PRKCQ: variants seen among roughly 807,000 people sequenced by gnomAD.
The protein encoded by PRKCQ is protein kinase C theta type.
Under a neutral mutation model 91.2 loss-of-function variants are expected in PRKCQ, and 41 were observed. That is an observed-to-expected ratio of 0.45 (90% CI 0.35 to 0.58). The LOEUF (loss-of-function observed/expected upper bound fraction) is 0.58, where lower values mean the gene tolerates loss of function less well. Ranked by LOEUF, PRKCQ falls within the 20% of genes least tolerant of loss-of-function variation. The pLI, the probability that PRKCQ is intolerant of heterozygous loss-of-function variation, is 0.00. For missense variants in PRKCQ, 673 were observed against 896.5 expected (o/e 0.75, Z 3.18); for synonymous variants, 307 against 316.9 (o/e 0.97, Z 0.33).
intron 1 of PRKCQ, among the ~76,000 whole-genome samples, chr10:6,574,757 C>T (rs1841165260): frequency 6.6e-6 from 1 of 152,202 alleles, no homozygotes; most frequent in Non-Finnish European, 1.5e-5. Flanking sequence ...CTGCTCATTT[C>T]CACTCATCTG....
At chr10:6,394,965 G>A in the PRKCQ span, among the ~76,000 whole-genome samples, 5 of 151,586 alleles carry the variant, frequency 3.3e-5, no homozygotes, top group Admixed American at 2.6e-4. Flanking sequence ...CACCTTGCCC[G>A]CCGCCTAGAG....
In PRKCQ at chr10:6,485,214, C is replaced by A. The variant is rs765321541; in HGVS notation, c.956G>T (p.Gly319Val). The A allele has an allele frequency of 6.2e-7, 1 of 1,614,010 alleles. No individual in the cohort carries two copies. The highest frequency in any genetic ancestry group is 8.5e-7 in the Non-Finnish European group (1 of 1,179,994). ...TTCATTTTTGATGGAGCATGGGAGA[C>A]CAATTTCAACCGGACCTTCTCTGAA... Reference protein sequence around the residue: ...QIFREGPVEIGLPCSIKNEAR... With the variant: ...QIFREGPVEIVLPCSIKNEAR... The change falls in exon 10 of 18, where the codon GGT becomes GTT. Residue 319 changes from glycine to valine, a missense_variant. Coordinates refer to ENST00000263125, the MANE Select transcript of PRKCQ (RefSeq NM_006257.5).
chr10:6,480,796 T>C (rs939529436), intron 11 of PRKCQ, among the ~76,000 whole-genome samples: 2 of 152,222 alleles, frequency 1.3e-5, no homozygotes, highest in Admixed American at 6.5e-5. Flanking sequence ...AACATGTAAG[T>C]GTCTAGGTTT....
At chr10:6,467,518 T>C (rs1190558100) in intron 12 of PRKCQ, among the ~76,000 whole-genome samples, 1 of 152,088 alleles carries the variant, frequency 6.6e-6, no homozygotes, top group Non-Finnish European at 1.5e-5. Flanking sequence ...CACGTCTTTA[T>C]GGCGGGTAAT....
chr10:6,563,999 G>A (rs558671079), intron 1 of PRKCQ, among the ~76,000 whole-genome samples: 11 of 152,302 alleles, frequency 7.2e-5, no homozygotes, highest in South Asian at 2.1e-4. Context: ...CGATGTGAGC[G>A]TGAGGAAGTG....
At chr10:6,432,652 C>T (rs1440495333) in intron 16 of PRKCQ, among the ~76,000 whole-genome samples, 1 of 152,130 alleles carries the variant, frequency 6.6e-6, no homozygotes, top group Non-Finnish European at 1.5e-5. Flanking sequence ...TCAGTTTCCT[C>T]GTGTGTAAAG....
intron 16 of PRKCQ, among the ~76,000 whole-genome samples, chr10:6,431,567 C>T (rs758433874): frequency 1.8e-4 from 27 of 152,298 alleles, no homozygotes; most frequent in South Asian, 6.2e-4. Context: ...TGCACACACA[C>T]GCACGCATTT....
chr10:6,531,630 A>C (rs1839398805), intron 1 of PRKCQ, among the ~76,000 whole-genome samples: 1 of 152,076 alleles, frequency 6.6e-6, no homozygotes, highest in Non-Finnish European at 1.5e-5. Flanking sequence ...GAATGGAAGA[A>C]GGTAGATTGA....
the PRKCQ span, among the ~76,000 whole-genome samples, chr10:6,401,781 C>T: frequency 6.6e-6 from 1 of 152,144 alleles, no homozygotes; most frequent in East Asian, 1.9e-4. Flanking sequence ...CTGCAATAAG[C>T]AGCTTTTTTC....
At chr10:6,551,243 G>A (rs758145757) in intron 1 of PRKCQ, among the ~76,000 whole-genome samples, 22 of 152,094 alleles carry the variant, frequency 1.4e-4, no homozygotes, top group Non-Finnish European at 2.6e-4. Context: ...TTATAAGTGA[G>A]AACATGCCAC....
At chr10:6,444,368 A>G (rs1834130280) in intron 15 of PRKCQ, among the ~76,000 whole-genome samples, 1 of 152,096 alleles carries the variant, frequency 6.6e-6, no homozygotes, top group Non-Finnish European at 1.5e-5. Context: ...TATTTTTAAC[A>G]TTACTGAACT....
chr10:6,455,248 A>G (rs1009441182), intron 15 of PRKCQ, among the ~76,000 whole-genome samples: 4 of 152,220 alleles, frequency 2.6e-5, no homozygotes, highest in Middle Eastern at 6.3e-3. Context: ...TTTCACTTCA[A>G]ATGAAAATGG....
chr10:6,564,316 A>AT (rs1305289797), intron 1 of PRKCQ, among the ~76,000 whole-genome samples: 6 of 152,140 alleles, frequency 3.9e-5, no homozygotes, highest in African/African-American at 1.4e-4. Context: ...TGTAGGAAAT[A>AT]TTATGGTATA....
intron 13 of PRKCQ, among the ~76,000 whole-genome samples, chr10:6,464,058 G>C (rs775153782): frequency 6.6e-6 from 1 of 152,206 alleles, no homozygotes; most frequent in Admixed American, 6.5e-5. Flanking sequence ...CTGTGCTCAG[G>C]TTAGTTAGAA....
chr10:6,459,759 G>A (rs1211194225), intron 14 of PRKCQ, among the ~76,000 whole-genome samples: 4 of 152,196 alleles, frequency 2.6e-5, no homozygotes, highest in Non-Finnish European at 5.9e-5. Context: ...CCAGAGGCTG[G>A]TAAATCGAGG....
intron 1 of PRKCQ, among the ~76,000 whole-genome samples, chr10:6,559,945 T>C (rs1840562814): frequency 1.3e-5 from 2 of 152,220 alleles, no homozygotes; most frequent in Admixed American, 1.3e-4. Context: ...GGTGCCTGAC[T>C]TTACCTTATT....
chr10:6,454,170 C>T (rs1161763180), intron 15 of PRKCQ, among the ~76,000 whole-genome samples: 2 of 152,138 alleles, frequency 1.3e-5, no homozygotes, highest in Non-Finnish European at 2.9e-5. Flanking sequence ...AACACACAGT[C>T]TATCTTAGCT....
chr10:6,505,500 T>TC (rs759370494), intron 4 of PRKCQ, among the ~76,000 whole-genome samples: 2 of 135,444 alleles, frequency 1.5e-5, no homozygotes, highest in Non-Finnish European at 3.2e-5. Flanking sequence ...CCTCCCTCCC[T>TC]CCTCCTTCCT....
At chr10:6,572,410 G>A (rs897014572) in intron 1 of PRKCQ, among the ~76,000 whole-genome samples, 12 of 152,076 alleles carry the variant, frequency 7.9e-5, no homozygotes, top group African/African-American at 2.9e-4. Flanking sequence ...ACAGGCCCCA[G>A]TGTGTGTTGT....
Sources: allele counts gnomAD v4.1 joint callset (sites outside exome capture counted in the v4.1 genomes callset), GRCh38; gene constraint gnomAD v4.1.1; transcripts MANE v1.5; gene names NCBI Gene and HGNC (gene_info 2026-07-23, HGNC 2026-07-21).